PPP4R4: variants seen among roughly 807,000 people sequenced by gnomAD.
PPP4R4 encodes serine/threonine-protein phosphatase 4 regulatory subunit 4.
A neutral mutation model predicts 121.8 loss-of-function variants in PPP4R4; 70 were observed. That is an observed-to-expected ratio of 0.57 (90% CI 0.47 to 0.70). PPP4R4 has a LOEUF of 0.70. PPP4R4 is among the 30% of genes least tolerant of loss of function. The pLI is 0.00. For synonymous variants in PPP4R4, 348 were observed against 355.7 expected (o/e 0.98, Z 0.24); for missense variants, 875 against 1,033.6 (o/e 0.85, Z 2.10).
chr14:94,224,065 A>G (rs12886595), intron 3 of PPP4R4, among the ~76,000 whole-genome samples: 19,267 of 152,192 alleles, frequency 0.13, 1,360 homozygotes, highest in Admixed American at 0.21. Context: ...ATGAAGAGAA[A>G]TAATTAGATG....
At chr14:94,255,235 C>T (rs1455752247) in intron 16 of PPP4R4, among the ~76,000 whole-genome samples, 2 of 152,136 alleles carry the variant, frequency 1.3e-5, no homozygotes, top group East Asian at 3.8e-4. Context: ...TAGATGAAAA[C>T]CTTAAATAAA....
chr14:94,175,063 G>T (rs1265187819), intron 1 of PPP4R4, among the ~76,000 whole-genome samples: 1 of 141,082 alleles, frequency 7.1e-6, no homozygotes, highest in Non-Finnish European at 1.5e-5. Context: ...GTCCGCTGAC[G>T]CCGCCCGGGT....
chr14:94,187,040 C>T (rs1889322247), intron 2 of PPP4R4, among the ~76,000 whole-genome samples: 1 of 152,092 alleles, frequency 6.6e-6, no homozygotes, highest in African/African-American at 2.4e-5. Flanking sequence ...TTAGGCCGAG[C>T]GTGGTGGCTC....
At chr14:94,256,336 C>T in intron 16 of PPP4R4, 124 bp from the exon 17 acceptor site, 1 of 750,158 alleles carries the variant, frequency 1.3e-6, no homozygotes, top group Non-Finnish European at 2.1e-6. Context: ...ATAATAGACA[C>T]TCCATGAATA....
Position 94,195,573 on chromosome 14 carries a change from G to GA in PPP4R4, c.192-12890dup, listed in dbSNP as rs1434718316. On this transcript the variant is annotated intron_variant, in intron 2 of 24. Coordinates refer to ENST00000304338, the MANE Select transcript of PPP4R4 (RefSeq NM_058237.2). ...CTTAGACATATTTTGTTGAGATATTGACATTCTTTGTTGTAGGCAGCTGTC... is the reference window on the plus strand; with the variant it reads ...CTTAGACATATTTTGTTGAGATATTGAACATTCTTTGTTGTAGGCAGCTGTC... Among the ~76,000 whole-genome samples the GA allele has an allele frequency of 1.6e-4, 24 of 152,180 alleles. 1 individual carries two copies. Among genetic ancestry groups the GA allele is most frequent in the East Asian group, 3.9e-4 (2 of 5,182 alleles).
intron 1 of PPP4R4, among the ~76,000 whole-genome samples, chr14:94,174,970 T>TCCCCC (rs1263392173): frequency 4.4e-5 from 3 of 68,080 alleles, no homozygotes; most frequent in African/African-American, 6.6e-5. Context: ...CCCCCTTCCT[T>TCCCCC]CCGCCCCCCC....
intron 3 of PPP4R4, among the ~76,000 whole-genome samples, chr14:94,224,482 C>T (rs1162487769): frequency 1.3e-5 from 2 of 152,026 alleles, no homozygotes; most frequent in Non-Finnish European, 2.9e-5. Context: ...AAATAGACAA[C>T]AAAGCAAAAC....
chr14:94,246,719 T>TC (rs1296708680), intron 14 of PPP4R4, among the ~76,000 whole-genome samples, 180 bp downstream of exon 14: 2 of 152,060 alleles, frequency 1.3e-5, no homozygotes, highest in Non-Finnish European at 2.9e-5. Flanking sequence ...CCCCACTAGG[T>TC]CTCCCTCTGA....
chr14:94,261,675 A>G (rs1403264820), intron 19 of PPP4R4, among the ~76,000 whole-genome samples: 1 of 152,026 alleles, frequency 6.6e-6, no homozygotes. Flanking sequence ...GTCTTTCATC[A>G]TCAGGTATGA....
chr14:94,260,608 T>G (rs1017383724), intron 19 of PPP4R4, among the ~76,000 whole-genome samples: 1 of 152,182 alleles, frequency 6.6e-6, no homozygotes, highest in South Asian at 2.1e-4. Flanking sequence ...ATCTTGTCTT[T>G]GCTTACTGGC....
intron 13 of PPP4R4, 95 bp from the exon 14 acceptor site, chr14:94,246,259 AAGG>A (rs1455858130): frequency 3.0e-6 from 3 of 986,232 alleles, no homozygotes; most frequent in African/African-American, 3.3e-5. Flanking sequence ...CTGAAATGAG[AAGG>A]AGTATTCTCT....
chr14:94,239,719 G>A (rs1344749153), intron 8 of PPP4R4, among the ~76,000 whole-genome samples: 2 of 152,070 alleles, frequency 1.3e-5, no homozygotes, highest in Non-Finnish European at 2.9e-5. Flanking sequence ...AGCCTGCAAA[G>A]CCTAGAATAT....
chr14:94,271,543 C>A (rs1343245857), intron 23 of PPP4R4, among the ~76,000 whole-genome samples: 1 of 152,180 alleles, frequency 6.6e-6, no homozygotes, highest in Non-Finnish European at 1.5e-5. Flanking sequence ...AAAAAACCTA[C>A]AGATAACATC....
At position 94,174,579 on chromosome 14, in the gene PPP4R4, C is replaced by T; in HGVS notation, c.114C>T (p.Leu38=). The T allele has an allele frequency of 6.2e-7, 1 of 1,611,402 alleles. No homozygotes were observed. The change falls in exon 1 of 25, where the codon CTC becomes CTT. Residue 38 remains leucine (L), a synonymous_variant. Coordinates refer to ENST00000304338, the MANE Select transcript of PPP4R4 (RefSeq NM_058237.2). Reference sequence around the variant, plus strand: ...TCGAGAGGCCGGTCCGCCGGAGCCTCAAGGTGCGCCCCGGGGAGAGGACCT... The same window carrying T: ...TCGAGAGGCCGGTCCGCCGGAGCCTTAAGGTGCGCCCCGGGGAGAGGACCT... ...TIIERPVRRS[L]KTPEEIERLT...
At chr14:94,206,720 C>T (rs1890479755) in intron 2 of PPP4R4, among the ~76,000 whole-genome samples, 2 of 151,914 alleles carry the variant, frequency 1.3e-5, no homozygotes, top group Non-Finnish European at 2.9e-5. Flanking sequence ...TTTATTGAAC[C>T]TCTACCCTGG....
chr14:94,238,200 C>T (rs1892448356), intron 8 of PPP4R4, among the ~76,000 whole-genome samples: 1 of 152,250 alleles, frequency 6.6e-6, no homozygotes, highest in Admixed American at 6.5e-5. Flanking sequence ...AGGGTGGAGC[C>T]AGTGGGTGGA....
At chr14:94,231,169 C>A in intron 4 of PPP4R4, 73 bp from the exon 5 acceptor site, 1 of 1,135,616 alleles carries the variant, frequency 8.8e-7, no homozygotes, top group South Asian at 1.4e-5. Flanking sequence ...GCTATTGTAA[C>A]TATTAATGGC....
In PPP4R4 at chr14:94,235,432, C is replaced by G. The variant is rs539053952; in HGVS notation, c.731+763C>G. On this transcript the variant is annotated intron_variant, in intron 7 of 24. Transcript: ENST00000304338. ...TTTTTTTTTTTGAGAGGGAGTCTCA[C>G]TCTGTCACCCAGGCTGGAGTGCAGT... Among the ~76,000 whole-genome samples the G allele has an allele frequency of 1.0e-4, 12 of 119,354 alleles. No individual in the cohort carries two copies. The South Asian group carries it at 3.5e-3, about 35-fold the overall frequency. 78.3% of individuals were successfully genotyped at this position (119,354 alleles called of 152,430 possible).
intron 23 of PPP4R4, among the ~76,000 whole-genome samples, chr14:94,267,786 C>T (rs2139650440): frequency 6.6e-6 from 1 of 152,168 alleles, no homozygotes; most frequent in African/African-American, 2.4e-5. Flanking sequence ...TGAATCTGCT[C>T]AAAGATCTGA....
Sources: allele counts gnomAD v4.1 joint callset (sites outside exome capture counted in the v4.1 genomes callset), GRCh38; gene constraint gnomAD v4.1.1; transcripts MANE v1.5; gene names NCBI Gene and HGNC (gene_info 2026-07-23, HGNC 2026-07-21).